Variants in RFX3 observed in about 807,000 individuals in gnomAD.
RFX3 encodes transcription factor RFX3.
A neutral mutation model predicts 98.6 loss-of-function variants in RFX3; 14 were observed. That is an observed-to-expected ratio of 0.14 (90% CI 0.09 to 0.22). RFX3 has a LOEUF of 0.22. RFX3 is among the 10% of genes least tolerant of loss of function. The pLI, the probability that RFX3 is intolerant of heterozygous loss-of-function variation, is 1.00. For missense variants in RFX3, 639 were observed against 926.9 expected, an observed-to-expected ratio of 0.69 and a Z score of 4.03; for synonymous variants, 383 against 328.4, an observed-to-expected ratio of 1.17 and a Z score of -1.80.
chr9:3,372,758 G>A (rs537575354), intron 2 of RFX3, among the ~76,000 whole-genome samples: 1 of 151,764 alleles, frequency 6.6e-6, no homozygotes, highest in Non-Finnish European at 1.5e-5. Context: ...GCTAATTTTT[G>A]TGTTTTTAGT....
At position 3,277,325 on chromosome 9, in the gene RFX3, T is replaced by C. The variant is rs1215073587; in HGVS notation, c.973+15A>G. On this transcript the variant is annotated intron_variant, in intron 8 of 16. Transcript: ENST00000617270. ...AATCCTAGTAGCAACTAATATGCAT[T>C]ACACCTTAACATACCTAAAAACTGT... 3 of 1,611,866 alleles carry C rather than the reference T, an allele frequency of 1.9e-6. No individual in the cohort carries two copies. In the East Asian group the frequency reaches 6.7e-5, roughly 36 times the overall value.
chr9:3,238,006 C>T (rs549650831), intron 15 of RFX3, among the ~76,000 whole-genome samples: 1 of 151,670 alleles, frequency 6.6e-6, no homozygotes, highest in South Asian at 2.1e-4. Flanking sequence ...TGCTCCCAGA[C>T]AAGTTAAACT....
At chr9:3,472,801 GT>G (rs754303589) in intron 1 of RFX3, among the ~76,000 whole-genome samples, 1 of 152,128 alleles carries the variant, frequency 6.6e-6, no homozygotes, top group Non-Finnish European at 1.5e-5. Context: ...CAATACTGCT[GT>G]TTTATTGGAC....
At chr9:3,333,113 T>C (rs1042278737) in intron 3 of RFX3, among the ~76,000 whole-genome samples, 3 of 152,200 alleles carry the variant, frequency 2.0e-5, no homozygotes, top group African/African-American at 7.2e-5. Context: ...GCTGGCACAC[T>C]AATCAGTCAG....
chr9:3,337,986 C>T (rs1833387693), intron 3 of RFX3, among the ~76,000 whole-genome samples: 1 of 152,126 alleles, frequency 6.6e-6, no homozygotes. Flanking sequence ...TACTTATTTA[C>T]TTATATGAGT....
intron 3 of RFX3, among the ~76,000 whole-genome samples, chr9:3,344,375 G>A (rs1479091319): frequency 6.6e-6 from 1 of 152,070 alleles, no homozygotes; most frequent in African/African-American, 2.4e-5. Flanking sequence ...GCATCCTTAA[G>A]CTGAAAATCT....
intron 15 of RFX3, among the ~76,000 whole-genome samples, chr9:3,239,878 A>C (rs1433621748): frequency 6.6e-6 from 1 of 152,144 alleles, no homozygotes; most frequent in African/African-American, 2.4e-5. Flanking sequence ...AGACCCTAGA[A>C]TTCCCTGCCC....
At chr9:3,513,329 A>G (rs758937326) in intron 1 of RFX3, among the ~76,000 whole-genome samples, 1 of 152,272 alleles carries the variant, frequency 6.6e-6, no homozygotes, top group African/African-American at 2.4e-5. Context: ...ATTCATATTT[A>G]GTCCCTGAAA....
chr9:3,400,357 C>G (rs1469376940), intron 1 of RFX3: 1 of 242,838 alleles, frequency 4.1e-6, no homozygotes, highest in African/African-American at 2.3e-5. Context: ...GCTAGAGAGT[C>G]ACGGAGAACT....
intron 1 of RFX3, among the ~76,000 whole-genome samples, chr9:3,494,193 T>C (rs1000418446): frequency 2.0e-5 from 3 of 152,194 alleles, no homozygotes; most frequent in African/African-American, 7.2e-5. Context: ...ACAGAGTACC[T>C]GGCTGAAAAT....
chr9:3,285,369 A>G (rs1005393694), intron 7 of RFX3, among the ~76,000 whole-genome samples: 2 of 151,686 alleles, frequency 1.3e-5, no homozygotes, highest in Non-Finnish European at 3.0e-5. Flanking sequence ...GAAATTGAAA[A>G]TTTTTTTAAG....
intron 7 of RFX3, among the ~76,000 whole-genome samples, chr9:3,278,745 A>C (rs1462218602): frequency 6.6e-6 from 1 of 151,900 alleles, no homozygotes; most frequent in Non-Finnish European, 1.5e-5. Flanking sequence ...AATAATTGCC[A>C]AATCTCTCAT....
intron 7 of RFX3, among the ~76,000 whole-genome samples, chr9:3,283,081 A>G (rs759769365): frequency 8.6e-5 from 13 of 151,734 alleles, no homozygotes; most frequent in Non-Finnish European, 1.3e-4. Flanking sequence ...TCTTCAATAG[A>G]AAAGATTATC....
At chr9:3,296,650 T>A (rs1828030506) in intron 5 of RFX3, among the ~76,000 whole-genome samples, 2 of 152,022 alleles carry the variant, frequency 1.3e-5, no homozygotes, top group Admixed American at 1.3e-4. Context: ...CAAAGCTACG[T>A]TTTGTTCCCT....
intron 14 of RFX3, among the ~76,000 whole-genome samples, chr9:3,254,582 G>C (rs1821859908): frequency 6.6e-6 from 1 of 151,462 alleles, no homozygotes; most frequent in Admixed American, 6.6e-5. Flanking sequence ...CTGTCGCCCA[G>C]GCTGGAGTGC....
At chr9:3,497,960 T>C (rs1851231701) in intron 1 of RFX3, among the ~76,000 whole-genome samples, 1 of 152,020 alleles carries the variant, frequency 6.6e-6, no homozygotes, top group African/African-American at 2.4e-5. Context: ...TAACAATCTT[T>C]TCCAAATGCT....
intron 4 of RFX3, among the ~76,000 whole-genome samples, chr9:3,313,041 G>T (rs555326250): frequency 6.6e-6 from 1 of 152,178 alleles, no homozygotes; most frequent in Admixed American, 6.5e-5. Context: ...CAGAATTTAA[G>T]ATCTAAGAAC....
intron 9 of RFX3, among the ~76,000 whole-genome samples, chr9:3,273,307 G>A (rs1042370826): frequency 2.6e-5 from 4 of 152,054 alleles, no homozygotes; most frequent in Admixed American, 6.6e-5. Context: ...GAGAGAGATG[G>A]TAGGAACACT....
chr9:3,291,905 T>A (rs182640042), intron 6 of RFX3, among the ~76,000 whole-genome samples: 2 of 151,206 alleles, frequency 1.3e-5, no homozygotes, highest in African/African-American at 4.9e-5. Flanking sequence ...AAAAATACAA[T>A]AATTAGCTGG....
Sources: allele counts gnomAD v4.1 joint callset (sites outside exome capture counted in the v4.1 genomes callset), GRCh38; gene constraint gnomAD v4.1.1; transcripts MANE v1.5; gene names NCBI Gene and HGNC (gene_info 2026-07-23, HGNC 2026-07-21).